SLC31A1: variants seen among roughly 807,000 people sequenced by gnomAD.
The protein encoded by SLC31A1 is high affinity copper uptake protein 1.
Under a neutral mutation model 17.2 loss-of-function variants are expected in SLC31A1, and 5 were observed. That is an observed-to-expected ratio of 0.29 (90% confidence interval 0.15 to 0.61). The LOEUF is 0.61. SLC31A1 is among the 20% of genes least tolerant of loss of function. The probability of loss-of-function intolerance (pLI) is 0.86; values close to 1 mark genes in which losing one functional copy is unlikely to be tolerated. For missense variants in SLC31A1, 161 were observed against 241.4 expected (o/e 0.67, Z 2.21); for synonymous variants, 76 against 78.8 (o/e 0.96, Z 0.19).
chr9:113,230,467 C>T (rs554306409), intron 1 of SLC31A1, among the ~76,000 whole-genome samples: 2 of 152,254 alleles, frequency 1.3e-5, no homozygotes, highest in African/African-American at 4.8e-5. Flanking sequence ...CTATGTTGCC[C>T]GGGCTGGTCT....
At chr9:113,247,829 T>C (rs982424161) in intron 1 of SLC31A1, among the ~76,000 whole-genome samples, 9 of 152,090 alleles carry the variant, frequency 5.9e-5, no homozygotes, top group South Asian at 2.1e-4. Context: ...TTCAGAACAA[T>C]AGAAACAAGT....
chr9:113,229,724 T>C (rs1831382177), intron 1 of SLC31A1, among the ~76,000 whole-genome samples: 1 of 152,238 alleles, frequency 6.6e-6, no homozygotes. Context: ...AGTTTTGATC[T>C]TCTATGAGAC....
At chr9:113,259,583 C>CTTTTTTTTTTTT (rs34039262) in intron 4 of SLC31A1, among the ~76,000 whole-genome samples, 1 of 124,440 alleles carries the variant, frequency 8.0e-6, no homozygotes, top group African/African-American at 3.1e-5. Context: ...TTTTTTCTTT[C>CTTTTTTTTTTTT]TTTTTTTTTT....
In SLC31A1 at chr9:113,255,739, C is replaced by T. The variant is rs143491223; in HGVS notation, c.-35-375C>T. The T allele has an allele frequency of 9.8e-3, 1,561 of 158,682 alleles. 13 individuals are homozygous for T. The highest frequency in any genetic ancestry group is 0.015 in the Non-Finnish European group (1,077 of 72,020). The allele number at this position is 158,682 out of a possible 1,614,324, so 9.8% of individuals were successfully genotyped here. A position where few individuals can be genotyped will look rare whatever the true frequency, so the allele number is the denominator to read the frequency against. ...AGGCATCTGTAGCCCTACGTGTAAA[C>T]CCTTTCTGCTACAGTCTCCAAAAGT... On this transcript the variant is annotated intron_variant, in intron 1 of 4. Coordinates refer to ENST00000374212, the MANE Select transcript of SLC31A1 (RefSeq NM_001859.4).
intron 1 of SLC31A1, among the ~76,000 whole-genome samples, chr9:113,246,340 C>T (rs1055027539): frequency 3.4e-5 from 5 of 148,494 alleles, no homozygotes; most frequent in Admixed American, 1.4e-4. Context: ...CCACCATGCC[C>T]GGCCATTAAG....
intron 1 of SLC31A1, among the ~76,000 whole-genome samples, chr9:113,255,090 T>C (rs1564218383): frequency 6.6e-6 from 1 of 152,158 alleles, no homozygotes; most frequent in Admixed American, 6.5e-5. Context: ...AGGATTGAAA[T>C]TGTATCTGAA....
rs530983037 is a variant in SLC31A1 at position 113,258,271 on chromosome 9, C to T, written c.203-423C>T. 1.3e-5 allele frequency among the ~76,000 whole-genome samples: 2 copies of T among 152,290 alleles called. No homozygotes were observed. The highest frequency in any genetic ancestry group is 4.1e-4 in the South Asian group (2 of 4,824). ...ATGTGTTAAATTAGCAGTTTGAATACATTTATATCATTACCAACACTTCAC... is the reference window on the plus strand; with the variant it reads ...ATGTGTTAAATTAGCAGTTTGAATATATTTATATCATTACCAACACTTCAC... On this transcript the variant is annotated intron_variant, in intron 3 of 4. Coordinates refer to ENST00000374212, the MANE Select transcript of SLC31A1 (RefSeq NM_001859.4). The surrounding 1 kb of genome is among the most constrained non-coding windows in gnomAD (Gnocchi z 4.8).
rs779988232 is a variant in SLC31A1 at position 113,256,253 on chromosome 9, A to G, written c.105A>G (p.Gly35=). The G allele has an allele frequency of 6.2e-6, 10 of 1,613,982 alleles. No individual in the cohort carries two copies. In the East Asian group the frequency reaches 2.2e-4, roughly 36 times the overall value. The change falls in exon 2 of 5, where the codon GGA becomes GGG. Residue 35 remains glycine (G), a synonymous_variant. Coordinates refer to ENST00000374212, the MANE Select transcript of SLC31A1 (RefSeq NM_001859.4). ...CTTCAGCCTCACACTCCCATGGTGGAGGAGACAGCAGCATGATGATGATGG... is the reference window on the plus strand; with the variant it reads ...CTTCAGCCTCACACTCCCATGGTGGGGGAGACAGCAGCATGATGATGATGG... ...PTTSASHSHG[G]GDSSMMMMPM...
chr9:113,248,772 C>G (rs934934947), intron 1 of SLC31A1, among the ~76,000 whole-genome samples: 1 of 152,048 alleles, frequency 6.6e-6, no homozygotes, highest in Non-Finnish European at 1.5e-5. Flanking sequence ...AGCCACTGTG[C>G]GCAGGCTTGA....
rs138445645 is a variant in SLC31A1 at position 113,260,122 on chromosome 9, T to C, written c.372-150T>C. ...ACAGCCCTGTGCTGTTTCATTTCCA[T>C]GGACCAATCAAAGAACATTCAAGTA... On this transcript the variant is annotated intron_variant, in intron 4 of 4. Transcript: ENST00000374212. 4.2e-4 allele frequency: 305 copies of C among 723,636 alleles called. 3 individuals are homozygous for C. In the African/African-American group the frequency reaches 4.9e-3, roughly 12 times the overall value. The allele number at this position is 723,636 out of a possible 1,614,324, so 44.8% of individuals were successfully genotyped here. A position where few individuals can be genotyped will look rare whatever the true frequency, so the allele number is the denominator to read the frequency against.
intron 2 of SLC31A1, 57 bp from the exon 3 acceptor site, chr9:113,257,056 A>G: frequency 7.1e-7 from 1 of 1,401,626 alleles, no homozygotes; most frequent in South Asian, 1.2e-5. Flanking sequence ...CTTTGCCCCA[A>G]ATTCTCATTT....
intron 1 of SLC31A1, among the ~76,000 whole-genome samples, chr9:113,245,017 T>C (rs1831562087): frequency 6.6e-6 from 1 of 152,238 alleles, no homozygotes. Flanking sequence ...GGCACAACTT[T>C]AGGAGTCTTT....
intron 1 of SLC31A1, among the ~76,000 whole-genome samples, chr9:113,251,625 G>A (rs1466816982): frequency 6.6e-6 from 1 of 152,126 alleles, no homozygotes; most frequent in Non-Finnish European, 1.5e-5. Flanking sequence ...AATGGGTTAG[G>A]TGTGTTCGAT....
rs916583271 is a variant in SLC31A1 at position 113,260,538 on chromosome 9, A to G, written c.*65A>G. The G allele has an allele frequency of 5.4e-6, 7 of 1,304,786 alleles. No individual in the cohort carries two copies. Among genetic ancestry groups the G allele is most frequent in the Non-Finnish European group, 7.7e-6 (7 of 912,820 alleles). The allele number at this position is 1,304,786 out of a possible 1,614,324, so 80.8% of individuals were successfully genotyped here. ...AAGTTGTTGAAGACTTGAAGACGTG[A>G]TTCCTGCTCCAATCATCCCTTCTTG... On this transcript the variant is annotated 3_prime_UTR_variant, in exon 5 of 5. Transcript: ENST00000374212.
intron 4 of SLC31A1, among the ~76,000 whole-genome samples, chr9:113,260,018 G>C (rs1031425691): frequency 5.9e-5 from 9 of 152,090 alleles, no homozygotes; most frequent in African/African-American, 2.2e-4. Flanking sequence ...ATTACTCCTC[G>C]TCCTTTTCTC....
chr9:113,248,536 C>T (rs1370143838), intron 1 of SLC31A1, among the ~76,000 whole-genome samples: 1 of 129,428 alleles, frequency 7.7e-6, no homozygotes, highest in Non-Finnish European at 1.5e-5. Flanking sequence ...ATGGTGCAGT[C>T]TCAGCTCACT....
intron 1 of SLC31A1, among the ~76,000 whole-genome samples, chr9:113,233,294 A>G (rs1321963780): frequency 1.3e-5 from 2 of 152,302 alleles, no homozygotes; most frequent in Middle Eastern, 3.4e-3. Flanking sequence ...TAGCTGCCAT[A>G]ATAAAGAAAG....
intron 1 of SLC31A1, among the ~76,000 whole-genome samples, chr9:113,248,514 G>T (rs1171936861): frequency 1.6e-5 from 2 of 125,362 alleles, no homozygotes; most frequent in African/African-American, 6.3e-5. Flanking sequence ...TTGTTGCCCA[G>T]GCTGGAGTGC....
At chr9:113,232,531 A>G (rs1445988050) in intron 1 of SLC31A1, among the ~76,000 whole-genome samples, 1 of 152,018 alleles carries the variant, frequency 6.6e-6, no homozygotes, top group Non-Finnish European at 1.5e-5. Flanking sequence ...CAAGCTCCCA[A>G]ATCAAGAACA....
Sources: gnomAD v4.1 joint callset for allele counts (sites outside exome capture counted in the v4.1 genomes callset) on GRCh38, gnomAD v4.1.1 for gene constraint, Gnocchi (gnomAD v3.1) non-coding constraint, MANE v1.5 for transcripts, NCBI Gene and HGNC (gene_info 2026-07-23, HGNC 2026-07-21) for gene names.